NF2: variants seen among roughly 807,000 people sequenced by gnomAD.
NF2 encodes merlin.
NF2 carries 8 observed loss-of-function variants against 83.7 expected under a neutral mutation model. That is an observed-to-expected ratio of 0.10 (90% CI 0.06 to 0.17). NF2 has a LOEUF of 0.17. Among genes scored for constraint, NF2 ranks in the 10% least tolerant of loss-of-function variants. NF2 has a pLI of 1.00. For missense variants in NF2, 533 were observed against 744.4 expected (o/e 0.72, Z 3.31); for synonymous variants, 266 against 269.6 (o/e 0.99, Z 0.13).
intron 1 of NF2, among the ~76,000 whole-genome samples, chr22:29,619,969 GAT>G (rs2065174547): frequency 6.6e-6 from 1 of 152,054 alleles, no homozygotes; most frequent in Non-Finnish European, 1.5e-5. Flanking sequence ...TCATTCAAGA[GAT>G]ATTATAAAAT....
Position 29,678,455 on chromosome 22 carries a change from T to A in NF2, c.1574+132T>A. The stretch of plus-strand genomic sequence containing the variant: ...TTACTCCTGCAAAGGTTTGCTCTGC[T>A]CTTACACCCTGGAGGAAGAATTTCC... On this transcript the variant is annotated intron_variant, in intron 14 of 15. Transcript: ENST00000338641. The A allele has an allele frequency of 8.9e-6, 9 of 1,015,044 alleles. No homozygotes were observed. The South Asian group carries it at 1.0e-4, about 12-fold the overall frequency. 62.9% of individuals were successfully genotyped at this position (1,015,044 alleles called of 1,614,324 possible). A position where few individuals can be genotyped will look rare whatever the true frequency, so the allele number is the denominator to read the frequency against.
intron 1 of NF2, among the ~76,000 whole-genome samples, chr22:29,622,882 C>G (rs2065251381): frequency 6.6e-6 from 1 of 150,934 alleles, no homozygotes; most frequent in Non-Finnish European, 1.5e-5. Flanking sequence ...TCTCGATCTC[C>G]TGACCTTGTG....
chr22:29,620,389 A>C (rs9608798), intron 1 of NF2, among the ~76,000 whole-genome samples: 36,048 of 152,096 alleles, frequency 0.24, 4,411 homozygotes, highest in Non-Finnish European at 0.29. Flanking sequence ...CCACTGCATG[A>C]AGCCTGGGTG....
Position 29,683,201 on chromosome 22 carries a change from G to A in NF2, c.1737+1600G>A, listed in dbSNP as rs370348847. Reference sequence around the variant, plus strand: ...GGCAGGTGGTGCCTGGGTACTGGCCGCAGCATGCTTTGAGTCTAAAAGTAG... The same window carrying A: ...GGCAGGTGGTGCCTGGGTACTGGCCACAGCATGCTTTGAGTCTAAAAGTAG... On this transcript the variant is annotated intron_variant, in intron 15 of 15. Coordinates refer to ENST00000338641, the MANE Select transcript of NF2 (RefSeq NM_000268.4). 2.3e-5 allele frequency: 37 copies of A among 1,602,636 alleles called. No individual in the cohort carries two copies. In the South Asian group the frequency reaches 2.8e-4, roughly 12 times the overall value.
At chr22:29,606,109 C>A (rs2064788871) in intron 1 of NF2, among the ~76,000 whole-genome samples, 1 of 152,228 alleles carries the variant, frequency 6.6e-6, no homozygotes, top group Non-Finnish European at 1.5e-5. Flanking sequence ...CTTGCGCCAC[C>A]ATGTCTGGCT....
At chr22:29,652,852 C>A (rs2066189150) in intron 4 of NF2, among the ~76,000 whole-genome samples, 4 of 152,204 alleles carry the variant, frequency 2.6e-5, no homozygotes, top group Non-Finnish European at 5.9e-5. Context: ...ACAGTTACGA[C>A]TTACTGCATC....
intron 13 of NF2, among the ~76,000 whole-genome samples, chr22:29,676,159 T>A (rs557581954): frequency 6.6e-6 from 1 of 152,128 alleles, no homozygotes; most frequent in African/African-American, 2.4e-5. Flanking sequence ...TTTTTATTTT[T>A]TATTTTATTT....
intron 4 of NF2, among the ~76,000 whole-genome samples, chr22:29,648,131 AAAATAAATAAATAAAT>A: frequency 6.9e-6 from 1 of 145,350 alleles, no homozygotes; most frequent in Middle Eastern, 3.4e-3. Context: ...ACTCCATCTC[AAAATAAATAAATAAAT>A]AAATAAATAA....
intron 4 of NF2, among the ~76,000 whole-genome samples, chr22:29,647,127 T>C (rs924473421): frequency 5.9e-5 from 9 of 152,150 alleles, no homozygotes; most frequent in African/African-American, 1.7e-4. Flanking sequence ...CCTGTTGGAT[T>C]GTATATTGAC....
chr22:29,691,895 G>T (rs185766283), intron 15 of NF2, among the ~76,000 whole-genome samples: 1 of 152,374 alleles, frequency 6.6e-6, no homozygotes, highest in African/African-American at 2.4e-5. Flanking sequence ...TTCTTCACCT[G>T]CTGGGAGGAG....
intron 1 of NF2, among the ~76,000 whole-genome samples, chr22:29,622,276 G>A (rs1201961086): frequency 2.0e-5 from 3 of 152,260 alleles, no homozygotes; most frequent in East Asian, 1.9e-4. Context: ...CTAACGATCC[G>A]TGCTACATTA....
intron 7 of NF2, among the ~76,000 whole-genome samples, chr22:29,660,070 C>T (rs773689757): frequency 2.2e-4 from 34 of 152,314 alleles, no homozygotes; most frequent in African/African-American, 7.9e-4. Flanking sequence ...TTTCCATTAT[C>T]GTCAAGGGGT....
At chr22:29,662,708 G>GA (rs1013347238) in intron 8 of NF2, among the ~76,000 whole-genome samples, 1 of 152,244 alleles carries the variant, frequency 6.6e-6, no homozygotes, top group African/African-American at 2.4e-5. Flanking sequence ...TCAGGAAGCA[G>GA]AGACACAGAA....
intron 4 of NF2, among the ~76,000 whole-genome samples, chr22:29,648,278 A>G (rs1194211168): frequency 6.6e-6 from 1 of 152,228 alleles, no homozygotes; most frequent in Non-Finnish European, 1.5e-5. Context: ...CAAATGCTAT[A>G]AACAGGGCAT....
rs958907803 is a variant in NF2, at chr22:29,694,733, C to A, written c.1738-19C>A. 6 of 1,613,370 alleles carry A rather than the reference C, an allele frequency of 3.7e-6. No homozygotes were observed. Among genetic ancestry groups the A allele is most frequent in the Non-Finnish European group, 5.1e-6 (6 of 1,179,728 alleles). ...CGGAGGTCTTGTGCCCTCTCAGCTT[C>A]TTCTCTGCTTTCTTACAGCTCACCT... On this transcript the variant is annotated intron_variant, in intron 15 of 15. Coordinates refer to ENST00000338641, the MANE Select transcript of NF2 (RefSeq NM_000268.4). The surrounding 1 kb of genome is among the most constrained non-coding windows in gnomAD (Gnocchi z 4.1).
At chr22:29,628,627 CTTTTTTTTTT>C (rs5844863) in intron 1 of NF2, among the ~76,000 whole-genome samples, 2 of 69,216 alleles carry the variant, frequency 2.9e-5, no homozygotes, top group Admixed American at 1.7e-4. Context: ...TTTGTGACAT[CTTTTTTTTTT>C]TTTTTTTTTT....
At position 29,668,742 on chromosome 22, in the gene NF2, A is replaced by G. The variant is rs2252587; in HGVS notation, c.999+296A>G. On this transcript the variant is annotated intron_variant, in intron 10 of 15. Transcript: ENST00000338641. ...GAAATAGCCAAGAGTGCATGCATCT[A>G]TCCGTCCGGCTAGCTAGCTTGCTTT... Among the ~76,000 whole-genome samples, 56,852 of 152,174 alleles carry G rather than the reference A, an allele frequency of 0.37. 11,326 individuals carry two copies. Among genetic ancestry groups the G allele is most frequent in the Non-Finnish European group, 0.47 (31,957 of 67,990 alleles).
At position 29,697,502 on chromosome 22, in the gene NF2, GAGAA is replaced by G. The variant is rs897659667; in HGVS notation, c.*2712_*2715del. The G allele has an allele frequency of 6.6e-4, 122 of 184,032 alleles. 2 individuals are homozygous for G. Among genetic ancestry groups the G allele is most frequent in the African/African-American group, 2.7e-3 (117 of 42,612 alleles). 11.4% of individuals were successfully genotyped at this position (184,032 alleles called of 1,614,324 possible). On this transcript the variant is annotated 3_prime_UTR_variant, in exon 16 of 16. Transcript: ENST00000338641. ...GGAGCATCTCAAGCCCCAGTAGCAG[GAGAA>G]AGAAAGAAAGAGATGCCTGGTTTTC...
At chr22:29,669,338 G>T (rs1202629501) in intron 10 of NF2, among the ~76,000 whole-genome samples, 1 of 152,114 alleles carries the variant, frequency 6.6e-6, no homozygotes, top group Non-Finnish European at 1.5e-5. Flanking sequence ...GCCAGCATGG[G>T]GTCATAGTGG....
Sources: allele counts gnomAD v4.1 joint callset (sites outside exome capture counted in the v4.1 genomes callset), GRCh38; gene constraint gnomAD v4.1.1; non-coding constraint Gnocchi (gnomAD v3.1); transcripts MANE v1.5; gene names NCBI Gene and HGNC (gene_info 2026-07-23, HGNC 2026-07-21).